Variants in PSORS1C1 observed in about 807,000 individuals in gnomAD.
PSORS1C1 encodes psoriasis susceptibility 1 candidate gene 1 protein.
In PSORS1C1, 7 loss-of-function variants were observed where a neutral mutation model predicts 9.4. That is an observed-to-expected ratio of 0.75 (90% CI 0.42 to 1.40). The LOEUF (loss-of-function observed/expected upper bound fraction) is 1.40. Ranked by LOEUF, PSORS1C1 falls within the 40% of genes most tolerant of loss-of-function variation. PSORS1C1 has a pLI of 0.01. For synonymous variants in PSORS1C1, 63 were observed against 69.4 expected (o/e 0.91, Z 0.46); for missense variants, 146 against 178.1 (o/e 0.82, Z 1.02).
intron 3 of PSORS1C1, chr6:31,138,091 G>GATCC: frequency 6.3e-7 from 1 of 1,585,106 alleles, no homozygotes; most frequent in Non-Finnish European, 8.6e-7. Flanking sequence ...GGTTGAGGAG[G>GATCC]ATCCGTTCTA....
chr6:31,135,300 G>A lies in PSORS1C1; in HGVS notation c.14-3130G>A, dbSNP rs112565290. 2.3e-3 allele frequency among the ~76,000 whole-genome samples: 350 copies of A among 152,006 alleles called. 2 individuals carry two copies. Among genetic ancestry groups the A allele is most frequent in the East Asian group, 8.1e-3 (42 of 5,166 alleles). On this transcript the variant is annotated intron_variant, in intron 3 of 5. Coordinates refer to ENST00000259881, the MANE Select transcript of PSORS1C1 (RefSeq NM_014068.3). ...CTCCCAGGCTGGAGTGCAGTGGTGC[G>A]ATCTCGGCTCACTGCAACCTCTGCC...
chr6:31,115,974 T>A lies in PSORS1C1; in HGVS notation c.-229+1083T>A. 6.7e-7 allele frequency: 1 copy of A among 1,493,958 alleles called. No individual in the cohort carries two copies. Among genetic ancestry groups the A allele is most frequent in the East Asian group, 2.3e-5 (1 of 44,116 alleles). The allele number at this position is 1,493,958 out of a possible 1,614,324, so 92.5% of individuals were successfully genotyped here. A position where few individuals can be genotyped will look rare whatever the true frequency, so the allele number is the denominator to read the frequency against. On this transcript the variant is annotated intron_variant, in intron 1 of 5. Transcript: ENST00000259881. This position sits in a 1 kb window ranked among gnomAD's most constrained non-coding sequence, Gnocchi z 4.2. ...TGGACTTCTCCCATATGGGATATAG[T>A]GTATGTGCTTGTTTGTGCCCAAGGC...
intron 1 of PSORS1C1, among the ~76,000 whole-genome samples, chr6:31,119,622 G>A (rs991603524): frequency 1.9e-4 from 29 of 152,200 alleles, no homozygotes; most frequent in African/African-American, 6.3e-4. Context: ...ATATAGGCCG[G>A]GTGTGGTGGC....
chr6:31,139,101 A>G lies in PSORS1C1; in HGVS notation c.167+322A>G. The stretch of plus-strand genomic sequence containing the variant: ...GGAACCCCAAGAGGCTTTATAGGGG[A>G]GGAGTGGAGGAGGGACCAGCCCAGT... On this transcript the variant is annotated intron_variant, in intron 5 of 5. Transcript: ENST00000259881. The surrounding 1 kb of genome is among the most constrained non-coding windows in gnomAD (Gnocchi z 5.2). 1 of 1,255,508 alleles carries G rather than the reference A, an allele frequency of 8.0e-7. No homozygotes were observed. The highest frequency in any genetic ancestry group is 1.2e-6 in the Non-Finnish European group (1 of 859,188). The allele number at this position is 1,255,508 out of a possible 1,614,324, so 77.8% of individuals were successfully genotyped here. A position where few individuals can be genotyped will look rare whatever the true frequency, so the allele number is the denominator to read the frequency against.
At chr6:31,138,905 C>T in intron 5 of PSORS1C1, 126 bp downstream of exon 5, 1 of 1,599,862 alleles carries the variant, frequency 6.3e-7, no homozygotes, top group South Asian at 1.1e-5. Flanking sequence ...GCGTCCAGTT[C>T]ACCTCCGCCA....
intron 3 of PSORS1C1, among the ~76,000 whole-genome samples, chr6:31,137,379 G>A (rs577233033): frequency 2.0e-5 from 3 of 152,166 alleles, no homozygotes; most frequent in Admixed American, 6.5e-5. Context: ...GCGTGAACCC[G>A]GGAGGCGGAG....
At chr6:31,134,572 T>G (rs540334271) in intron 3 of PSORS1C1, among the ~76,000 whole-genome samples, 1 of 152,222 alleles carries the variant, frequency 6.6e-6, no homozygotes, top group African/African-American at 2.4e-5. Context: ...CCCGAAGTGC[T>G]GGGATTACAG....
In PSORS1C1 at chr6:31,138,444, T is replaced by TC. The variant is rs1170756595; in HGVS notation, c.29dup (p.Gln11SerfsTer18). 6.4e-7 allele frequency: 1 copy of TC among 1,568,638 alleles called. No homozygotes were observed. The highest frequency in any genetic ancestry group is 1.7e-5 in the Admixed American group (1 of 58,082). ...CCCACAAACAGACCAAAAAAGTCAC[T>TC]CTCAAAGAGCTCTCGGTAGGTTTGT... On this transcript the variant is annotated frameshift_variant, in exon 4 of 6. Coordinates refer to ENST00000259881, the MANE Select transcript of PSORS1C1 (RefSeq NM_014068.3). LOFTEE classifies it high-confidence loss of function.
At chr6:31,120,299 G>T (rs117114042) in intron 1 of PSORS1C1, 25 of 1,488,940 alleles carry the variant, frequency 1.7e-5, no homozygotes, top group Non-Finnish European at 2.3e-5. Context: ...TCTCCCTCCC[G>T]CCTCCCTCCT....
chr6:31,126,157 G>GC (rs1165971216), intron 2 of PSORS1C1, among the ~76,000 whole-genome samples: 7 of 152,204 alleles, frequency 4.6e-5, no homozygotes, highest in African/African-American at 1.7e-4. Context: ...TGTGTGTCCT[G>GC]CCCTCATTCC....
chr6:31,132,598 C>T (rs1772968984), intron 3 of PSORS1C1, among the ~76,000 whole-genome samples: 1 of 149,638 alleles, frequency 6.7e-6, no homozygotes, highest in African/African-American at 2.5e-5. Context: ...ACCTGTAATC[C>T]CAGTGCTTTG....
At chr6:31,114,952 G>T (rs1772025930) in intron 1 of PSORS1C1, 61 bp downstream of exon 1, 3 of 446,536 alleles carry the variant, frequency 6.7e-6, no homozygotes, top group African/African-American at 2.0e-5. Flanking sequence ...GGAGGGGAGG[G>T]AGAGGAAACA....
In PSORS1C1 at chr6:31,139,407, C is replaced by A; in HGVS notation, c.168-234C>A. On this transcript the variant is annotated intron_variant, in intron 5 of 5. Transcript: ENST00000259881. This position sits in a 1 kb window ranked among gnomAD's most constrained non-coding sequence, Gnocchi z 5.2. ...TGGAAGCCAAAGAATGGGAGCAAAC[C>A]ACGCGATGGGCGTTGGGAAGCACCG... is the stretch of plus-strand genomic sequence containing the variant. 1.7e-6 allele frequency: 1 copy of A among 595,512 alleles called. No homozygotes were observed. Among genetic ancestry groups the A allele is most frequent in the Non-Finnish European group, 3.0e-6 (1 of 334,748 alleles). The allele number at this position is 595,512 out of a possible 1,614,324, so 36.9% of individuals were successfully genotyped here. A position where few individuals can be genotyped will look rare whatever the true frequency, so the allele number is the denominator to read the frequency against.
chr6:31,123,199 C>G (rs895927617), intron 1 of PSORS1C1, among the ~76,000 whole-genome samples: 1 of 152,226 alleles, frequency 6.6e-6, no homozygotes, highest in Non-Finnish European at 1.5e-5. Flanking sequence ...CCTGGCTACT[C>G]TCTCCTGTCC....
chr6:31,135,175 G>A (rs1773088353), intron 3 of PSORS1C1, among the ~76,000 whole-genome samples: 1 of 152,114 alleles, frequency 6.6e-6, no homozygotes, highest in South Asian at 2.1e-4. Flanking sequence ...ATTCCAAAGG[G>A]TATGCTTTTC....
At chr6:31,123,542 C>T (rs117550151) in intron 1 of PSORS1C1, among the ~76,000 whole-genome samples, 2,316 of 152,332 alleles carry the variant, frequency 0.015, 90 homozygotes, top group South Asian at 0.14. Flanking sequence ...TCTGGCCCTG[C>T]CCCTGCCCGT....
intron 1 of PSORS1C1, chr6:31,116,657 G>C (rs963301016): frequency 6.2e-7 from 1 of 1,612,724 alleles, no homozygotes; most frequent in African/African-American, 1.3e-5. Flanking sequence ...TAGCCCACAG[G>C]GTAGATTTTA....
chr6:31,116,229 G>A, intron 1 of PSORS1C1: 1 of 1,614,054 alleles, frequency 6.2e-7, no homozygotes, highest in Non-Finnish European at 8.5e-7. Flanking sequence ...TCAAGGAGGA[G>A]ACAGACATGC....
At chr6:31,132,058 C>A (rs775844396) in intron 3 of PSORS1C1, among the ~76,000 whole-genome samples, 3 of 151,956 alleles carry the variant, frequency 2.0e-5, no homozygotes, top group Non-Finnish European at 4.4e-5. Flanking sequence ...CCAGGTTGGG[C>A]AATATAGTAA....
Sources: allele counts gnomAD v4.1 joint callset (sites outside exome capture counted in the v4.1 genomes callset), GRCh38; gene constraint gnomAD v4.1.1; non-coding constraint Gnocchi (gnomAD v3.1); transcripts MANE v1.5; gene names NCBI Gene and HGNC (gene_info 2026-07-23, HGNC 2026-07-21).